The following CFAP221 variants were observed in gnomAD, a reference collection of about 807,000 sequenced individuals.
CFAP221 encodes cilia- and flagella-associated protein 221.
Under a neutral mutation model 113.1 loss-of-function variants are expected in CFAP221, and 97 were observed. The observed-to-expected ratio is 0.86, with a 90% CI of 0.73 to 1.02. The LOEUF is 1.02. Among genes scored for constraint, CFAP221 ranks in the 50% least tolerant of loss-of-function variants. The pLI, the probability that CFAP221 is intolerant of heterozygous loss-of-function variation, is 0.00. For missense variants in CFAP221, 1,025 were observed against 1,013.4 expected, an observed-to-expected ratio of 1.01 and a Z score of -0.16; for synonymous variants, 331 against 354.4, an observed-to-expected ratio of 0.93 and a Z score of 0.74.
At chr2:119,595,410 A>AT (rs531428110) in intron 7 of CFAP221, among the ~76,000 whole-genome samples, 56 of 151,976 alleles carry the variant, frequency 3.7e-4, no homozygotes, top group Non-Finnish European at 1.6e-4. Flanking sequence ...TATTTAATAG[A>AT]TTTTTTTTCC....
At chr2:119,638,989 T>C (rs1027896737) in intron 20 of CFAP221, among the ~76,000 whole-genome samples, 3 of 152,050 alleles carry the variant, frequency 2.0e-5, no homozygotes, top group Non-Finnish European at 4.4e-5. Context: ...TGTCACCTAC[T>C]TGCCTTTCTG....
At chr2:119,636,901 C>T (rs1300204681) in intron 19 of CFAP221, among the ~76,000 whole-genome samples, 1 of 152,094 alleles carries the variant, frequency 6.6e-6, no homozygotes, top group African/African-American at 2.4e-5. Context: ...ACAAAGACTG[C>T]ATTCATGAAC....
At chr2:119,623,800 A>G (rs1686104642) in intron 14 of CFAP221, among the ~76,000 whole-genome samples, 3 of 152,356 alleles carry the variant, frequency 2.0e-5, no homozygotes, top group African/African-American at 4.8e-5. Context: ...GGTGTTGGGA[A>G]AACTGGGTAG....
chr2:119,557,958 CA>C (rs11286852), intron 3 of CFAP221, among the ~76,000 whole-genome samples: 55,301 of 103,758 alleles, frequency 0.53, 11,542 homozygotes, highest in East Asian at 0.71. Context: ...GACTCCGTCT[CA>C]AAAAAAAAAA....
At chr2:119,656,229 A>G (rs1688424699) in intron 23 of CFAP221, 133 bp from the exon 24 acceptor site, 1 of 656,482 alleles carries the variant, frequency 1.5e-6, no homozygotes, top group Non-Finnish European at 2.7e-6. Flanking sequence ...ACTATCACTA[A>G]CTGTGGTGAA....
intron 16 of CFAP221, 71 bp from the exon 17 acceptor site, chr2:119,629,804 A>T (rs964291702): frequency 1.7e-6 from 2 of 1,199,820 alleles, no homozygotes; most frequent in South Asian, 2.7e-5. Context: ...TTCAAAATGT[A>T]GTGGAAACAG....
intron 6 of CFAP221, among the ~76,000 whole-genome samples, chr2:119,582,528 T>C (rs1477125405): frequency 6.6e-6 from 1 of 151,346 alleles, no homozygotes; most frequent in Admixed American, 6.6e-5. Context: ...CGCTCTCGGC[T>C]CACTAGAACC....
At chr2:119,596,637 C>T (rs567086912) in intron 7 of CFAP221, among the ~76,000 whole-genome samples, 94 of 152,268 alleles carry the variant, frequency 6.2e-4, no homozygotes, top group African/African-American at 1.9e-3. Flanking sequence ...CCACTTATTT[C>T]GAGTTCCAGT....
intron 6 of CFAP221, among the ~76,000 whole-genome samples, chr2:119,577,403 C>G (rs1413984170): frequency 6.6e-6 from 1 of 152,128 alleles, no homozygotes; most frequent in Non-Finnish European, 1.5e-5. Context: ...AAGAAATGCC[C>G]TCTAAAAAGC....
chr2:119,544,804 A>C (rs537108136), intron 1 of CFAP221, among the ~76,000 whole-genome samples: 15 of 151,890 alleles, frequency 9.9e-5, no homozygotes, highest in African/African-American at 3.6e-4. Context: ...CGAGGGAACG[A>C]GGGTGCGGCG....
At chr2:119,581,889 A>C (rs865903669) in intron 6 of CFAP221, among the ~76,000 whole-genome samples, 1 of 152,134 alleles carries the variant, frequency 6.6e-6, no homozygotes, top group African/African-American at 2.4e-5. Context: ...ACAAAGTGAG[A>C]TCCCATCTCT....
chr2:119,614,313 T>C (rs574011401), intron 13 of CFAP221, among the ~76,000 whole-genome samples: 6 of 152,342 alleles, frequency 3.9e-5, no homozygotes, highest in Admixed American at 3.3e-4. Context: ...CCAAAGTTGC[T>C]TCCACATTTT....
intron 7 of CFAP221, among the ~76,000 whole-genome samples, chr2:119,592,336 T>C (rs1408975877): frequency 6.6e-6 from 1 of 152,226 alleles, no homozygotes; most frequent in Non-Finnish European, 1.5e-5. Context: ...AGAAAAGAGA[T>C]AATGAAGGCA....
chr2:119,595,326 T>C (rs1683885011), intron 7 of CFAP221, among the ~76,000 whole-genome samples: 1 of 152,248 alleles, frequency 6.6e-6, no homozygotes, highest in Admixed American at 6.5e-5. Flanking sequence ...GTTCTCGGCA[T>C]GCTCCCATGT....
intron 23 of CFAP221, chr2:119,655,946 G>C (rs1427842454): frequency 5.8e-6 from 1 of 172,664 alleles, no homozygotes; most frequent in East Asian, 1.5e-4. Flanking sequence ...CATTGCCAGA[G>C]TTAGAAATAG....
intron 19 of CFAP221, among the ~76,000 whole-genome samples, chr2:119,635,712 G>T (rs1438704227): frequency 6.6e-6 from 1 of 152,166 alleles, no homozygotes; most frequent in African/African-American, 2.4e-5. Flanking sequence ...AGTAAAAGTA[G>T]GAATTAGGAG....
At chr2:119,613,670 A>G (rs1003956220) in intron 13 of CFAP221, among the ~76,000 whole-genome samples, 4 of 152,188 alleles carry the variant, frequency 2.6e-5, no homozygotes, top group Non-Finnish European at 5.9e-5. Context: ...CCAGCCCACA[A>G]AACCATTTTT....
intron 3 of CFAP221, among the ~76,000 whole-genome samples, 166 bp from the exon 4 acceptor site, chr2:119,559,523 T>C (rs939534152): frequency 6.6e-6 from 1 of 152,136 alleles, no homozygotes. Context: ...GTGTGTGTTA[T>C]GTTTATTATT....
intron 17 of CFAP221, 71 bp from the exon 18 acceptor site, chr2:119,630,499 T>C: frequency 8.7e-7 from 1 of 1,151,676 alleles, no homozygotes; most frequent in Non-Finnish European, 1.3e-6. Flanking sequence ...TCGGAAATGC[T>C]GTTGTTGAGA....
Sources: allele counts gnomAD v4.1 joint callset (sites outside exome capture counted in the v4.1 genomes callset), GRCh38; gene constraint gnomAD v4.1.1; transcripts MANE v1.5; gene names NCBI Gene and HGNC (gene_info 2026-07-23, HGNC 2026-07-21).